NXPE2: variants seen among roughly 807,000 people sequenced by gnomAD.
NXPE2 encodes the protein NXPE family member 2.
A neutral mutation model predicts 34.4 loss-of-function variants in NXPE2; 34 were observed. The ratio of observed to expected loss-of-function variants is 0.99; its 90% CI spans 0.75 to 1.31. The LOEUF (loss-of-function observed/expected upper bound fraction) is 1.31. Among genes scored for constraint, NXPE2 ranks in the 40% most tolerant of loss-of-function variants. The pLI is 0.00. For missense variants in NXPE2, 649 were observed against 672.5 expected (o/e 0.97, Z 0.39); for synonymous variants, 235 against 231.3 (o/e 1.02, Z -0.15).
At chr11:114,619,931 C>T in the NXPE2 span, among the ~76,000 whole-genome samples, 1 of 152,078 alleles carries the variant, frequency 6.6e-6, no homozygotes, top group East Asian at 1.9e-4. Flanking sequence ...TGGGTAACCA[C>T]TGTTACCCGG....
At chr11:114,639,856 ATAT>A in the NXPE2 span, among the ~76,000 whole-genome samples, 5 of 85,642 alleles carry the variant, frequency 5.8e-5, no homozygotes, top group Admixed American at 3.5e-4. Flanking sequence ...AATATAATAT[ATAT>A]TATATTTTAT....
chr11:114,640,434 G>A, the NXPE2 span, among the ~76,000 whole-genome samples: 6 of 151,486 alleles, frequency 4.0e-5, no homozygotes, highest in South Asian at 1.2e-3. Flanking sequence ...ACGTGCAGAT[G>A]TCTTTTGATG....
At chr11:114,765,406 A>G in the NXPE2 span, among the ~76,000 whole-genome samples, 1 of 152,226 alleles carries the variant, frequency 6.6e-6, no homozygotes, top group African/African-American at 2.4e-5. Flanking sequence ...GATATTTTTC[A>G]GCAATGAAGT....
chr11:114,805,659 C>T, the NXPE2 span, among the ~76,000 whole-genome samples: 49 of 152,326 alleles, frequency 3.2e-4, 1 homozygote, highest in Non-Finnish European at 5.0e-4. Flanking sequence ...CTGCCATTGC[C>T]GAGTTAGTTG....
At chr11:114,646,181 A>C in the NXPE2 span, among the ~76,000 whole-genome samples, 7 of 152,156 alleles carry the variant, frequency 4.6e-5, no homozygotes, top group African/African-American at 1.4e-4. Context: ...TCTTAAACTA[A>C]CTATGTCTAA....
At chr11:114,733,277 T>C in the NXPE2 span, among the ~76,000 whole-genome samples, 5 of 152,144 alleles carry the variant, frequency 3.3e-5, no homozygotes, top group Non-Finnish European at 5.9e-5. Flanking sequence ...GTATTTTTAG[T>C]ACAGACGGGG....
the NXPE2 span, among the ~76,000 whole-genome samples, chr11:114,571,879 C>T: frequency 2.6e-5 from 4 of 152,336 alleles, no homozygotes; most frequent in East Asian, 1.9e-4. Context: ...AAGTTTCCAT[C>T]CTGCCTGTAG....
the NXPE2 span, among the ~76,000 whole-genome samples, chr11:114,516,226 T>C: frequency 6.6e-6 from 1 of 152,104 alleles, no homozygotes; most frequent in South Asian, 2.1e-4. Flanking sequence ...GTGGAGAGAC[T>C]GAGGAGCACA....
At chr11:114,571,150 C>A in the NXPE2 span, 1 of 1,613,868 alleles carries the variant, frequency 6.2e-7, no homozygotes, top group South Asian at 1.1e-5. Context: ...CTGATGTTTT[C>A]TGTTTTGATG....
chr11:114,608,004 A>G, the NXPE2 span, among the ~76,000 whole-genome samples: 1 of 150,936 alleles, frequency 6.6e-6, no homozygotes, highest in East Asian at 2.0e-4. Context: ...CTGGTGGATA[A>G]ATGTTGCCTC....
chr11:114,479,525 A>T, the NXPE2 span, among the ~76,000 whole-genome samples: 2 of 152,172 alleles, frequency 1.3e-5, no homozygotes, highest in Non-Finnish European at 2.9e-5. Context: ...GACTTGAGTA[A>T]TGGGCTGGGT....
chr11:114,507,788 A>G, the NXPE2 span, among the ~76,000 whole-genome samples: 1 of 152,092 alleles, frequency 6.6e-6, no homozygotes, highest in Non-Finnish European at 1.5e-5. Context: ...CCAACATCAT[A>G]CTGAATGGGC....
At chr11:114,493,316 T>A in the NXPE2 span, among the ~76,000 whole-genome samples, 8 of 152,214 alleles carry the variant, frequency 5.3e-5, no homozygotes, top group Non-Finnish European at 1.0e-4. Flanking sequence ...TTACATTCAA[T>A]GTTATTATTG....
the NXPE2 span, among the ~76,000 whole-genome samples, chr11:114,715,124 T>A: frequency 6.6e-6 from 1 of 152,210 alleles, no homozygotes; most frequent in Non-Finnish European, 1.5e-5. Context: ...ATTTTGATTA[T>A]CAAGCCTGTA....
the NXPE2 span, among the ~76,000 whole-genome samples, chr11:114,609,857 C>T: frequency 5.9e-5 from 9 of 151,674 alleles, no homozygotes; most frequent in East Asian, 3.9e-4. Context: ...ACTATTGCCT[C>T]GCGGGTAACC....
chr11:114,661,049 T>C, the NXPE2 span, among the ~76,000 whole-genome samples: 2 of 152,154 alleles, frequency 1.3e-5, no homozygotes, highest in African/African-American at 4.8e-5. Flanking sequence ...TGTGTAAATC[T>C]AATGAAATAC....
At chr11:114,533,297 C>T in the NXPE2 span, among the ~76,000 whole-genome samples, 27 of 152,244 alleles carry the variant, frequency 1.8e-4, no homozygotes, top group South Asian at 2.3e-3. Context: ...ACAATACATT[C>T]GAGCGGGGTG....
chr11:114,610,406 G>A, the NXPE2 span, among the ~76,000 whole-genome samples: 4 of 151,846 alleles, frequency 2.6e-5, 1 homozygote, highest in African/African-American at 9.7e-5. Flanking sequence ...CTGTTATCCA[G>A]GGAATAATAC....
At chr11:114,602,166 ATATAT>A in the NXPE2 span, among the ~76,000 whole-genome samples, 20 of 106,382 alleles carry the variant, frequency 1.9e-4, no homozygotes, top group Admixed American at 8.6e-4. Context: ...ATTATTTATA[ATATAT>A]TATACTATAT....
Sources: allele counts gnomAD v4.1 joint callset (sites outside exome capture counted in the v4.1 genomes callset), GRCh38; gene constraint gnomAD v4.1.1; transcripts MANE v1.5; gene names NCBI Gene and HGNC (gene_info 2026-07-23, HGNC 2026-07-21).